Variants in PDE7A observed in about 807,000 individuals in gnomAD.
PDE7A encodes the protein phosphodiesterase 7A.
In PDE7A, 39 loss-of-function variants were observed where a neutral mutation model predicts 64.3. The ratio of observed to expected loss-of-function variants is 0.61; its 90% confidence interval spans 0.47 to 0.79. The LOEUF is 0.79. Ranked by LOEUF, PDE7A falls within the 30% of genes least tolerant of loss-of-function variation. PDE7A has a pLI of 0.00. For missense variants in PDE7A, 470 were observed against 582.8 expected, an observed-to-expected ratio of 0.81 and a Z score of 1.99; for synonymous variants, 203 against 206.8, an observed-to-expected ratio of 0.98 and a Z score of 0.16.
chr8:65,798,206 A>ATATATATATATATATT, intron 1 of PDE7A, among the ~76,000 whole-genome samples: 36 of 73,780 alleles, frequency 4.9e-4, no homozygotes, highest in Admixed American at 3.0e-3. Flanking sequence ...ATATATATAT[A>ATATATATATATATATT]TTTTTTTTTT....
chr8:65,771,832 G>C (rs541557424), intron 3 of PDE7A, among the ~76,000 whole-genome samples: 1 of 136,726 alleles, frequency 7.3e-6, no homozygotes, highest in Non-Finnish European at 1.5e-5. Context: ...CCACGATTGA[G>C]CCACTGCACT....
intron 3 of PDE7A, among the ~76,000 whole-genome samples, chr8:65,752,724 C>G (rs1808025086): frequency 1.3e-5 from 2 of 152,162 alleles, no homozygotes; most frequent in Admixed American, 6.6e-5. Context: ...AATTATATCT[C>G]TAAATATCTA....
At chr8:65,840,341 T>A (rs1245784615) in intron 1 of PDE7A, among the ~76,000 whole-genome samples, 9 of 151,780 alleles carry the variant, frequency 5.9e-5, no homozygotes, top group Admixed American at 5.9e-4. Flanking sequence ...AAATGACAAA[T>A]ATTTACTAGA....
chr8:65,751,958 TGTAAA>T (rs1233698728), intron 3 of PDE7A, among the ~76,000 whole-genome samples: 19 of 152,352 alleles, frequency 1.2e-4, no homozygotes, highest in East Asian at 9.6e-4. Flanking sequence ...TTTATAAGGC[TGTAAA>T]GTATTCTATC....
At chr8:65,740,901 T>C (rs1030971442) in intron 5 of PDE7A, among the ~76,000 whole-genome samples, 1 of 152,080 alleles carries the variant, frequency 6.6e-6, no homozygotes, top group Non-Finnish European at 1.5e-5. Context: ...CCTGGCCCCC[T>C]CCAGTTTCAC....
At chr8:65,834,347 C>T (rs1252579652) in intron 1 of PDE7A, among the ~76,000 whole-genome samples, 1 of 152,078 alleles carries the variant, frequency 6.6e-6, no homozygotes, top group Non-Finnish European at 1.5e-5. Flanking sequence ...AATACATACA[C>T]AAAATTTGTG....
At position 65,716,310 on chromosome 8, in the gene PDE7A, A is replaced by G. The variant is rs559039236; in HGVS notation, c.*2980T>C. Among the ~76,000 whole-genome samples, 2 of 152,326 alleles carry G rather than the reference A, an allele frequency of 1.3e-5. No homozygotes were observed. Among genetic ancestry groups the G allele is most frequent in the East Asian group, 1.9e-4 (1 of 5,184 alleles). ...AGGATGATCTTTTCAGTTTCAAACT[A>G]TAAGAGAAACAATGGATCAGAGCAG... is the stretch of plus-strand genomic sequence containing the variant. On this transcript the variant is annotated 3_prime_UTR_variant, in exon 13 of 13. Coordinates refer to ENST00000401827, the MANE Select transcript of PDE7A (RefSeq NM_001242318.3).
intron 3 of PDE7A, among the ~76,000 whole-genome samples, chr8:65,774,300 T>G (rs1809194859): frequency 7.1e-6 from 1 of 141,584 alleles, no homozygotes; most frequent in African/African-American, 3.0e-5. Flanking sequence ...TTTTTTGTAC[T>G]GACATTTATA....
At chr8:65,829,096 T>TA (rs1810747449) in intron 1 of PDE7A, among the ~76,000 whole-genome samples, 1 of 152,106 alleles carries the variant, frequency 6.6e-6, no homozygotes, top group South Asian at 2.1e-4. Flanking sequence ...AGTAAAATTT[T>TA]AAAAAAATTT....
intron 3 of PDE7A, among the ~76,000 whole-genome samples, chr8:65,774,539 T>C (rs1350698498): frequency 6.6e-6 from 1 of 151,978 alleles, no homozygotes; most frequent in Admixed American, 6.5e-5. Context: ...TAAAAATTAT[T>C]GACAACCCAA....
chr8:65,790,576 T>C (rs918978243), intron 1 of PDE7A, among the ~76,000 whole-genome samples: 17 of 152,330 alleles, frequency 1.1e-4, no homozygotes, highest in African/African-American at 4.1e-4. Context: ...TACAAAGAGC[T>C]TATTTAAAAG....
chr8:65,719,761 G>T, intron 12 of PDE7A: 1 of 438,800 alleles, frequency 2.3e-6, no homozygotes, highest in South Asian at 2.8e-5. Flanking sequence ...CCTTCTCAGT[G>T]GCACAACTAC....
rs1809653718 is a variant in PDE7A at position 65,789,876 on chromosome 8, T to C, written c.139-7033A>G. ...AGCATCAAGTAAAAGCAGACAAGGT[T>C]CCTGCCCTTGTGGTGCTTGCAATTT... On this transcript the variant is annotated intron_variant, in intron 1 of 12. Coordinates refer to ENST00000401827, the MANE Select transcript of PDE7A (RefSeq NM_001242318.3). Among the ~76,000 whole-genome samples the C allele has an allele frequency of 3.3e-5, 5 of 152,236 alleles. No homozygotes were observed. The South Asian group carries it at 1.0e-3, about 32-fold the overall frequency.
chr8:65,788,857 C>A, intron 1 of PDE7A: 1 of 1,457,176 alleles, frequency 6.9e-7, no homozygotes, highest in Admixed American at 1.7e-5. Context: ...TGAATGTCAC[C>A]ATCCTAAAAA....
intron 1 of PDE7A, chr8:65,789,138 C>G (rs1390228058): frequency 9.0e-7 from 1 of 1,113,968 alleles, no homozygotes; most frequent in Non-Finnish European, 1.2e-6. Context: ...GCCTTCTTAC[C>G]CAGCGCATGC....
intron 1 of PDE7A, among the ~76,000 whole-genome samples, chr8:65,792,052 A>G (rs1424568295): frequency 6.6e-6 from 1 of 152,168 alleles, no homozygotes; most frequent in Non-Finnish European, 1.5e-5. Flanking sequence ...TAATTCTCCT[A>G]AAAGTTTATT....
chr8:65,794,932 G>A (rs1411599109), intron 1 of PDE7A, among the ~76,000 whole-genome samples: 3 of 152,128 alleles, frequency 2.0e-5, no homozygotes, highest in South Asian at 4.1e-4. Flanking sequence ...GGAAAAATGC[G>A]ACAATGTAAT....
At chr8:65,799,631 T>C (rs1809942892) in intron 1 of PDE7A, among the ~76,000 whole-genome samples, 1 of 152,052 alleles carries the variant, frequency 6.6e-6, no homozygotes, top group South Asian at 2.1e-4. Context: ...TGCTTTAATG[T>C]TAGGAGAGGT....
At chr8:65,788,656 C>G (rs999236838) in intron 1 of PDE7A, among the ~76,000 whole-genome samples, 17 of 152,106 alleles carry the variant, frequency 1.1e-4, no homozygotes, top group African/African-American at 3.6e-4. Context: ...TGCTTTGATA[C>G]TGAGGAAAGA....
Sources: gnomAD v4.1 joint callset for allele counts (sites outside exome capture counted in the v4.1 genomes callset) on GRCh38, gnomAD v4.1.1 for gene constraint, MANE v1.5 for transcripts, NCBI Gene and HGNC (gene_info 2026-07-23, HGNC 2026-07-21) for gene names.